OVCH1: variants seen among roughly 807,000 people sequenced by gnomAD.
OVCH1 encodes ovochymase-1.
OVCH1 carries 139 observed loss-of-function variants against 138.4 expected under a neutral mutation model. The observed-to-expected ratio is 1.00, with a 90% CI of 0.87 to 1.16. OVCH1 has a LOEUF of 1.16. Among genes scored for constraint, OVCH1 ranks in the 50% most tolerant of loss-of-function variants. The pLI is 0.00. For synonymous variants in OVCH1, 453 were observed against 467.8 expected (o/e 0.97, Z 0.41); for missense variants, 1,367 against 1,357.9 (o/e 1.01, Z -0.11).
intron 8 of OVCH1, among the ~76,000 whole-genome samples, chr12:29,482,684 T>A (rs1397313499): frequency 1.3e-5 from 2 of 152,200 alleles, no homozygotes; most frequent in South Asian, 2.1e-4. Context: ...GATCCTACAG[T>A]TCTGCTCAGT....
chr12:29,471,110 G>A (rs1942492707), intron 16 of OVCH1, among the ~76,000 whole-genome samples: 1 of 151,966 alleles, frequency 6.6e-6, no homozygotes. Flanking sequence ...TCTTAAGAGG[G>A]ATTCTAAGGG....
downstream of OVCH1, among the ~76,000 whole-genome samples, chr12:29,424,319 G>A (rs1416981283): frequency 2.0e-5 from 3 of 152,154 alleles, no homozygotes; most frequent in African/African-American, 7.2e-5. Flanking sequence ...TTCCATCCTG[G>A]GTGGGCCAGG....
downstream of OVCH1, among the ~76,000 whole-genome samples, chr12:29,422,591 A>T (rs541276578): frequency 1.5e-4 from 23 of 152,344 alleles, no homozygotes; most frequent in Non-Finnish European, 2.2e-4. Context: ...CAAGATGAAG[A>T]CTATATCAGT....
downstream of OVCH1, among the ~76,000 whole-genome samples, chr12:29,410,178 C>T (rs574357820): frequency 1.1e-4 from 14 of 133,004 alleles, 2 homozygotes; most frequent in East Asian, 2.7e-3. Flanking sequence ...TTCCTCCATC[C>T]CTTTATTTTT....
At chr12:29,439,549 A>G (rs537687598) in intron 25 of OVCH1, 1 of 1,265,762 alleles carries the variant, frequency 7.9e-7, no homozygotes, top group South Asian at 2.0e-5. Context: ...TACTACAACT[A>G]CTGCTACTCT....
intron 3 of OVCH1, among the ~76,000 whole-genome samples, chr12:29,418,980 G>A (rs1186128484): frequency 6.6e-6 from 1 of 152,094 alleles, no homozygotes; most frequent in East Asian, 1.9e-4. Context: ...TCAGCCTCCT[G>A]ATTTGCTGGG....
intron 26 of OVCH1, among the ~76,000 whole-genome samples, chr12:29,436,807 C>T (rs1199807509): frequency 3.3e-5 from 5 of 152,012 alleles, no homozygotes; most frequent in Non-Finnish European, 7.3e-5. Flanking sequence ...GCTGCAGACC[C>T]TCGTGGTGAG....
intron 26 of OVCH1, among the ~76,000 whole-genome samples, chr12:29,438,929 C>G (rs573778938): frequency 6.6e-6 from 1 of 152,254 alleles, no homozygotes; most frequent in South Asian, 2.1e-4. Context: ...TGACTTAACC[C>G]TGAGGTGGTT....
intron 16 of OVCH1, among the ~76,000 whole-genome samples, chr12:29,467,180 A>G (rs374537041): frequency 5.3e-5 from 8 of 152,160 alleles, no homozygotes; most frequent in African/African-American, 1.7e-4. Context: ...ACTTTTTCAA[A>G]GTCACCCTCT....
At position 29,414,722 on chromosome 12, in the gene OVCH1, C is replaced by T. The variant is rs965293848; in HGVS notation, c.*72-1997G>A. Among the ~76,000 whole-genome samples, 9 of 152,124 alleles carry T rather than the reference C, an allele frequency of 5.9e-5. No homozygotes were observed. The South Asian group carries it at 1.7e-3, about 28-fold the overall frequency. On this transcript the variant is annotated intron_variant and NMD_transcript_variant, in intron 3 of 4. Coordinates refer to the OVCH1 transcript ENST00000539117. Reference sequence around the variant, plus strand: ...TACTTCTGGGAAGTTTATTTTAAGGCAATCCTAGACCTGGAAAAAAAAAAT... The same window carrying T: ...TACTTCTGGGAAGTTTATTTTAAGGTAATCCTAGACCTGGAAAAAAAAAAT...
At chr12:29,441,526 A>C (rs1941484724) in intron 25 of OVCH1, among the ~76,000 whole-genome samples, 1 of 152,192 alleles carries the variant, frequency 6.6e-6, no homozygotes, top group Admixed American at 6.5e-5. Flanking sequence ...CCCTAGAACA[A>C]AACCTAGGCA....
At chr12:29,454,486 C>A (rs527579669) in intron 21 of OVCH1, among the ~76,000 whole-genome samples, 3 of 152,102 alleles carry the variant, frequency 2.0e-5, no homozygotes, top group African/African-American at 7.2e-5. Context: ...CTAATGCTGG[C>A]GCTAGTCTTG....
At chr12:29,434,607 A>T (rs372022726) in intron 26 of OVCH1, among the ~76,000 whole-genome samples, 38 of 152,244 alleles carry the variant, frequency 2.5e-4, no homozygotes, top group African/African-American at 8.9e-4. Flanking sequence ...ATACAAAAAG[A>T]GTCTCTCAGA....
At chr12:29,431,194 TG>T (rs1941261703) in intron 27 of OVCH1, among the ~76,000 whole-genome samples, 1 of 152,152 alleles carries the variant, frequency 6.6e-6, no homozygotes, top group Non-Finnish European at 1.5e-5. Flanking sequence ...TCCAGCACTT[TG>T]GGAGTCCATG....
chr12:29,445,326 G>A lies in OVCH1; in HGVS notation c.2833C>T (p.Leu945Phe), dbSNP rs530782671. ...CTTATACCAAATGCACCTCGTACAA[G>A]GGCATGGAATGTCACCCTCACCAGC... Residue 945 changes from leucine (L) to phenylalanine (F), a missense_variant, in exon 23 of 28, where the codon CTT (leucine) becomes TTT (phenylalanine). By Grantham distance (22) the Leu-to-Phe change is conservative. Transcript: ENST00000318184. The A allele has an allele frequency of 1.6e-4, 263 of 1,611,954 alleles. 2 individuals are homozygous for A. In the East Asian group the frequency reaches 5.7e-3, roughly 35 times the overall value.
At chr12:29,425,899 A>G (rs950447388), downstream of OVCH1, 2 of 152,212 alleles carry the variant, frequency 1.3e-5, no homozygotes, top group African/African-American at 4.8e-5. Flanking sequence ...AAACATGCCC[A>G]GGATGTCCAC....
chr12:29,457,453 G>T (rs1941989538), intron 19 of OVCH1, among the ~76,000 whole-genome samples: 1 of 133,824 alleles, frequency 7.5e-6, no homozygotes, highest in African/African-American at 2.9e-5. Context: ...TCCCAGGCTG[G>T]AGTGCAGTGG....
chr12:29,484,544 A>C (rs1158278061), intron 8 of OVCH1, among the ~76,000 whole-genome samples, 169 bp downstream of exon 9: 1 of 152,070 alleles, frequency 6.6e-6, no homozygotes, highest in African/African-American at 2.4e-5. Context: ...AATCCCTACT[A>C]CTTAGTACGC....
chr12:29,479,046 T>C (rs1415038100), intron 8 of OVCH1, 78 bp from the exon 10 acceptor site: 6 of 499,560 alleles, frequency 1.2e-5, no homozygotes, highest in African/African-American at 1.2e-4. Context: ...ACCTGTGCTT[T>C]AGCTCACAAC....
Sources: gnomAD v4.1 joint callset for allele counts (sites outside exome capture counted in the v4.1 genomes callset) on GRCh38, gnomAD v4.1.1 for gene constraint, MANE v1.5 for transcripts, NCBI Gene and HGNC (gene_info 2026-07-23, HGNC 2026-07-21) for gene names.